Variants in DDX46 observed in about 807,000 individuals in gnomAD.
DDX46 encodes probable ATP-dependent RNA helicase DDX46.
DDX46 carries 30 observed loss-of-function variants against 134.9 expected under a neutral mutation model. That is an observed-to-expected ratio of 0.22 (90% CI 0.17 to 0.30). DDX46 has a LOEUF of 0.30. Among genes scored for constraint, DDX46 ranks in the 10% least tolerant of loss-of-function variants. The pLI is 1.00. For missense variants in DDX46, 622 were observed against 1,248.7 expected (o/e 0.50, Z 7.56); for synonymous variants, 415 against 404.1 (o/e 1.03, Z -0.32).
intron 2 of DDX46, among the ~76,000 whole-genome samples, chr5:134,765,828 C>T (rs1004619483): frequency 6.6e-5 from 10 of 152,140 alleles, no homozygotes; most frequent in Non-Finnish European, 1.5e-4. Flanking sequence ...AATATTCACC[C>T]GTGACAATGT....
At chr5:134,769,327 GTTTTTTTTT>G (rs1026334806) in intron 3 of DDX46, among the ~76,000 whole-genome samples, 1 of 100,480 alleles carries the variant, frequency 1.0e-5, no homozygotes, top group Non-Finnish European at 2.0e-5. Flanking sequence ...TATTTTCAAG[GTTTTTTTTT>G]TTTTTTTTTT....
Position 134,794,891 on chromosome 5 carries a change from G to C in DDX46, c.1668G>C (p.Thr556=). The change falls in exon 14 of 23, where the codon ACG becomes ACC. Residue 556 remains threonine (T), a synonymous_variant. Transcript: ENST00000452510. Reference sequence around the variant, plus strand: ...ATAATGTTCGTCCTGATCGACAGACGGTTATGTTTTCAGCTACTTTCCCCA... The same window carrying C: ...ATAATGTTCGTCCTGATCGACAGACCGTTATGTTTTCAGCTACTTTCCCCA... ...IVDNVRPDRQ[T]VMFSATFPRA... is the part of the protein sequence containing the mutation. 6.2e-7 allele frequency: 1 copy of C among 1,614,162 alleles called. No individual in the cohort carries two copies. Among genetic ancestry groups the C allele is most frequent in the Non-Finnish European group, 8.5e-7 (1 of 1,180,030 alleles).
At chr5:134,785,129 C>T (rs1390252674) in intron 10 of DDX46, among the ~76,000 whole-genome samples, 2 of 152,174 alleles carry the variant, frequency 1.3e-5, no homozygotes, top group African/African-American at 4.8e-5. Context: ...AGCAGTATGG[C>T]TTCTGTGGCA....
intron 2 of DDX46, among the ~76,000 whole-genome samples, chr5:134,764,996 C>A (rs1432296979): frequency 1.3e-5 from 2 of 151,780 alleles, no homozygotes; most frequent in Admixed American, 1.3e-4. Flanking sequence ...CAGACCCTCT[C>A]CAAGCCTCTT....
In DDX46 at chr5:134,784,748, C is replaced by T. The variant is rs1754278590; in HGVS notation, c.1342+207C>T. 4 of 351,600 alleles carry T rather than the reference C, an allele frequency of 1.1e-5. No individual in the cohort carries two copies. In the Admixed American group the frequency reaches 1.9e-4, roughly 16 times the overall value. 21.8% of individuals were successfully genotyped at this position (351,600 alleles called of 1,614,324 possible). On this transcript the variant is annotated intron_variant, in intron 10 of 22. Coordinates refer to ENST00000452510, the MANE Select transcript of DDX46 (RefSeq NM_001300860.2). ...GCTCTGGAGTGACATCTCAGAAGTA[C>T]AAAAACAGCCTCTCCTGGCACAGCT...
intron 15 of DDX46, among the ~76,000 whole-genome samples, chr5:134,806,275 C>T (rs1162460172): frequency 6.6e-6 from 1 of 151,520 alleles, no homozygotes; most frequent in Non-Finnish European, 1.5e-5. Flanking sequence ...TTACACCAAG[C>T]ACAATTCACT....
Position 134,795,993 on chromosome 5 carries a change from G to C in DDX46, c.1797G>C (p.Val599=). 1 of 1,612,808 alleles carries C rather than the reference G, an allele frequency of 6.2e-7. No homozygotes were observed. The highest frequency in any genetic ancestry group is 8.5e-7 in the Non-Finnish European group (1 of 1,179,662). The change falls in exon 15 of 23, where the codon GTG becomes GTC. Residue 599 remains valine, a synonymous_variant. Coordinates refer to ENST00000452510, the MANE Select transcript of DDX46 (RefSeq NM_001300860.2). ...VCSDVEQQVI[V]IEEEKKFLKL... is the part of the protein sequence containing the mutation. Reference sequence around the variant, plus strand: ...ATACAATATGGTGTTTTCAGATTGTGATTGAAGAAGAAAAGAAATTCTTGA... The same window carrying C: ...ATACAATATGGTGTTTTCAGATTGTCATTGAAGAAGAAAAGAAATTCTTGA...
At chr5:134,780,242 ATATT>A (rs1279046559) in intron 6 of DDX46, among the ~76,000 whole-genome samples, 1 of 150,190 alleles carries the variant, frequency 6.7e-6, no homozygotes, top group East Asian at 1.9e-4. Context: ...ATATGTGTAT[ATATT>A]ATATATTTTT....
At chr5:134,797,236 C>T (rs901246067) in intron 15 of DDX46, 30 of 229,450 alleles carry the variant, frequency 1.3e-4, no homozygotes, top group Non-Finnish European at 2.2e-4. Context: ...GAATTATTCT[C>T]ATTAACTAAG....
At chr5:134,791,631 C>CA (rs1482212203) in intron 13 of DDX46, among the ~76,000 whole-genome samples, 2 of 151,200 alleles carry the variant, frequency 1.3e-5, no homozygotes, top group African/African-American at 2.4e-5. Flanking sequence ...CTGTAGTTGC[C>CA]AAAAAATGAA....
intron 22 of DDX46, among the ~76,000 whole-genome samples, chr5:134,827,934 G>A (rs1410084510): frequency 6.6e-6 from 1 of 152,174 alleles, no homozygotes; most frequent in African/African-American, 2.4e-5. Flanking sequence ...TTGCTAAATA[G>A]TTTTCCAAAG....
At position 134,796,606 on chromosome 5, in the gene DDX46, A is replaced by C. The variant is rs190655657; in HGVS notation, c.1954+456A>C. The stretch of plus-strand genomic sequence containing the variant: ...GGTAGCTCACGCCTGTAATCCTAGC[A>C]CTTGGAGAGGCTGAGGCGGGCAGAT... On this transcript the variant is annotated intron_variant, in intron 15 of 22. Coordinates refer to ENST00000452510, the MANE Select transcript of DDX46 (RefSeq NM_001300860.2). 2.6e-5 allele frequency among the ~76,000 whole-genome samples: 4 copies of C among 152,336 alleles called. No individual in the cohort carries two copies. The East Asian group carries it at 7.7e-4, about 29-fold the overall frequency.
At chr5:134,776,805 C>G (rs149243968) in intron 5 of DDX46, among the ~76,000 whole-genome samples, 4 of 150,976 alleles carry the variant, frequency 2.6e-5, no homozygotes, top group Non-Finnish European at 5.9e-5. Context: ...CCCAGCTACT[C>G]AGGAGGCTGA....
chr5:134,792,174 C>G (rs1561863585), intron 13 of DDX46, among the ~76,000 whole-genome samples: 1 of 151,788 alleles, frequency 6.6e-6, no homozygotes, highest in Non-Finnish European at 1.5e-5. Flanking sequence ...GAGACTTAGT[C>G]TCAAAAAATA....
rs1214652079 is a variant in DDX46 at position 134,817,555 on chromosome 5, T to C, written c.2673T>C (p.Thr891=). ...GGGGTGGCACCATTCTGGCTCCCACTGTTTCTGCAAAAACCATTGCAGAAC... is the reference window on the plus strand; with the variant it reads ...GGGGTGGCACCATTCTGGCTCCCACCGTTTCTGCAAAAACCATTGCAGAAC... ...ILRGGTILAP[T]VSAKTIAEQL... Residue 891 remains threonine, a synonymous_variant, in exon 20 of 23, where the codon ACT becomes ACC. Coordinates refer to ENST00000452510, the MANE Select transcript of DDX46 (RefSeq NM_001300860.2). The C allele has an allele frequency of 1.9e-6, 3 of 1,614,068 alleles. No homozygotes were observed. Among genetic ancestry groups the C allele is most frequent in the Non-Finnish European group, 2.5e-6 (3 of 1,180,036 alleles).
intron 15 of DDX46, among the ~76,000 whole-genome samples, chr5:134,803,140 C>T (rs746718682): frequency 2.6e-5 from 4 of 152,036 alleles, no homozygotes; most frequent in Admixed American, 6.6e-5. Context: ...ATGACAGGTG[C>T]GTGCCACCAC....
At position 134,766,994 on chromosome 5, in the gene DDX46, G is replaced by A; in HGVS notation, c.284G>A (p.Ser95Asn). 1.2e-6 allele frequency: 2 copies of A among 1,614,168 alleles called. No individual in the cohort carries two copies. Among genetic ancestry groups the A allele is most frequent in the Non-Finnish European group, 1.7e-6 (2 of 1,180,024 alleles). Residue 95 changes from serine to asparagine, a missense_variant, in exon 3 of 23, where the codon AGT becomes AAT. Coordinates refer to ENST00000452510, the MANE Select transcript of DDX46 (RefSeq NM_001300860.2). ...AGTAGAGACAGGAGACGCTCAAGGA[G>A]TAGAAGCCGGGGCCGGCGATCCCGA... ...SRSRDRRRSRSRSRGRRSRSS... is the reference protein window; with the variant it reads ...SRSRDRRRSRNRSRGRRSRSS...
chr5:134,812,106 C>T lies in DDX46; in HGVS notation c.2436+261C>T, dbSNP rs552048704. On this transcript the variant is annotated intron_variant, in intron 18 of 22. Coordinates refer to ENST00000452510, the MANE Select transcript of DDX46 (RefSeq NM_001300860.2). ...TGCGATGGGAGTCTGGCTGTGTCAC[C>T]CAGGCTGGAGTACGGTGGCGTGGTC... is the stretch of plus-strand genomic sequence containing the variant. 2.0e-4 allele frequency among the ~76,000 whole-genome samples: 30 copies of T among 147,564 alleles called. No homozygotes were observed. The South Asian group carries it at 6.6e-3, about 32-fold the overall frequency.
chr5:134,826,624 AT>A, intron 21 of DDX46: 1 of 192,548 alleles, frequency 5.2e-6, no homozygotes, highest in South Asian at 1.8e-4. Flanking sequence ...AGGAAGTTAT[AT>A]TTCCCTTTAG....
Sources: gnomAD v4.1 joint callset for allele counts (sites outside exome capture counted in the v4.1 genomes callset) on GRCh38, gnomAD v4.1.1 for gene constraint, MANE v1.5 for transcripts, NCBI Gene and HGNC (gene_info 2026-07-23, HGNC 2026-07-21) for gene names.